Variants in PTPRR observed in about 807,000 individuals in gnomAD.
PTPRR encodes receptor-type tyrosine-protein phosphatase R.
A neutral mutation model predicts 77.2 loss-of-function variants in PTPRR; 38 were observed. That is an observed-to-expected ratio of 0.49 (90% confidence interval 0.38 to 0.65). PTPRR has a LOEUF of 0.65. PTPRR is among the 30% of genes least tolerant of loss of function. PTPRR has a pLI of 0.00. For synonymous variants in PTPRR, 299 were observed against 283.1 expected, an observed-to-expected ratio of 1.06 and a Z score of -0.57; for missense variants, 744 against 799.2, an observed-to-expected ratio of 0.93 and a Z score of 0.83.
intron 4 of PTPRR, among the ~76,000 whole-genome samples, chr12:70,758,616 A>G (rs1890615834): frequency 6.6e-6 from 1 of 151,714 alleles, no homozygotes; most frequent in African/African-American, 2.4e-5. Context: ...GACTGTGGGA[A>G]TGGGGTTTGG....
chr12:70,684,659 C>T (rs184761311), intron 9 of PTPRR, 45 bp downstream of exon 9: 5 of 1,305,488 alleles, frequency 3.8e-6, no homozygotes, highest in Non-Finnish European at 5.4e-6. Context: ...ACCAACAATT[C>T]CAAATAGGAA....
intron 2 of PTPRR, among the ~76,000 whole-genome samples, chr12:70,872,054 T>G (rs1892966368): frequency 6.6e-6 from 1 of 152,242 alleles, no homozygotes; most frequent in Non-Finnish European, 1.5e-5. Flanking sequence ...TAATCTTATT[T>G]CTTAGCTCTA....
chr12:70,777,012 C>T (rs7313969), intron 2 of PTPRR, among the ~76,000 whole-genome samples: 1,787 of 151,976 alleles, frequency 0.012, 37 homozygotes, highest in African/African-American at 0.042. Flanking sequence ...TGTATACTTC[C>T]AAATATTTTC....
intron 2 of PTPRR, among the ~76,000 whole-genome samples, chr12:70,866,549 C>G (rs991152429): frequency 9.9e-5 from 15 of 152,044 alleles, no homozygotes; most frequent in Admixed American, 7.2e-4. Flanking sequence ...AATAGCTTAC[C>G]AACCAAAAAA....
intron 12 of PTPRR, among the ~76,000 whole-genome samples, chr12:70,657,133 A>G (rs1337050996): frequency 6.6e-6 from 1 of 152,160 alleles, no homozygotes; most frequent in African/African-American, 2.4e-5. Context: ...GAGGGGGAAG[A>G]TTTAGGCACA....
At chr12:70,877,919 A>C (rs1893080060) in intron 2 of PTPRR, among the ~76,000 whole-genome samples, 1 of 152,196 alleles carries the variant, frequency 6.6e-6, no homozygotes, top group African/African-American at 2.4e-5. Context: ...TCAATGGAAC[A>C]GAACACAGCC....
At chr12:70,799,763 G>A (rs1891579210) in intron 2 of PTPRR, among the ~76,000 whole-genome samples, 2 of 152,108 alleles carry the variant, frequency 1.3e-5, no homozygotes, top group South Asian at 4.1e-4. Context: ...AATAAGCCCA[G>A]TCCAAGCCCC....
chr12:70,756,551 A>G (rs1451301882), intron 4 of PTPRR, among the ~76,000 whole-genome samples: 1 of 152,174 alleles, frequency 6.6e-6, no homozygotes, highest in Non-Finnish European at 1.5e-5. Context: ...TGAATAATTC[A>G]GAGGCTCTGT....
rs142032626 is a variant in PTPRR, at chr12:70,882,336, G to C, written c.357+10343C>G. The stretch of plus-strand genomic sequence containing the variant: ...CCATCACTAGCTATGATAGATAGGA[G>C]GAGTGATGGTCAGAATCTGTATCCT... On this transcript the variant is annotated intron_variant, in intron 2 of 13. Transcript: ENST00000283228. 7.5e-3 allele frequency among the ~76,000 whole-genome samples: 1,141 copies of C among 152,192 alleles called. 17 individuals are homozygous for C. Among genetic ancestry groups the C allele is most frequent in the African/African-American group, 0.027 (1,101 of 41,514 alleles).
At chr12:70,816,808 T>C (rs982046894) in intron 2 of PTPRR, among the ~76,000 whole-genome samples, 2 of 152,050 alleles carry the variant, frequency 1.3e-5, no homozygotes, top group East Asian at 3.8e-4. Context: ...AAATAGAAAC[T>C]ATGTTTTTCA....
intron 2 of PTPRR, among the ~76,000 whole-genome samples, chr12:70,878,387 C>A (rs1273571092): frequency 6.6e-6 from 1 of 152,126 alleles, no homozygotes; most frequent in Non-Finnish European, 1.5e-5. Context: ...CTACAATGAA[C>A]TCAAACAAAT....
intron 1 of PTPRR, among the ~76,000 whole-genome samples, chr12:70,911,315 A>C (rs1893695635): frequency 1.3e-5 from 2 of 152,184 alleles, no homozygotes; most frequent in African/African-American, 4.8e-5. Context: ...CCAGAGGAGT[A>C]GACAACAGAT....
intron 2 of PTPRR, among the ~76,000 whole-genome samples, chr12:70,837,398 G>C (rs916540004): frequency 1.3e-5 from 2 of 152,132 alleles, no homozygotes; most frequent in African/African-American, 4.8e-5. Flanking sequence ...ATTCAATTCA[G>C]TGGATCTGAG....
chr12:70,773,206 T>A (rs1023102439), intron 2 of PTPRR, among the ~76,000 whole-genome samples: 10 of 152,256 alleles, frequency 6.6e-5, no homozygotes, highest in African/African-American at 2.4e-4. Flanking sequence ...AGACCTCTTG[T>A]TAACTTTTGT....
At chr12:70,700,117 G>A (rs1239924252) in intron 7 of PTPRR, among the ~76,000 whole-genome samples, 1 of 152,186 alleles carries the variant, frequency 6.6e-6, no homozygotes, top group Non-Finnish European at 1.5e-5. Context: ...CACAGAGTCT[G>A]ATTTTCATGT....
At chr12:70,648,663 G>A (rs1474064459) in intron 13 of PTPRR, among the ~76,000 whole-genome samples, 1 of 152,214 alleles carries the variant, frequency 6.6e-6, no homozygotes, top group Non-Finnish European at 1.5e-5. Flanking sequence ...TTAGGGGGCA[G>A]AGCCACGCAC....
chr12:70,848,225 C>T (rs1892517136), intron 2 of PTPRR, among the ~76,000 whole-genome samples: 2 of 152,168 alleles, frequency 1.3e-5, no homozygotes. Context: ...CGTACTAGCA[C>T]TGAATAATCT....
At chr12:70,888,606 C>T (rs10879213) in intron 2 of PTPRR, among the ~76,000 whole-genome samples, 24,358 of 152,126 alleles carry the variant, frequency 0.16, 2,100 homozygotes, top group Admixed American at 0.22. Flanking sequence ...CCTCACATTA[C>T]AGTAGGCTTT....
At chr12:70,684,322 G>T (rs777779604) in intron 9 of PTPRR, 58 bp from the exon 10 acceptor site, 107 of 1,563,750 alleles carry the variant, frequency 6.8e-5, no homozygotes, top group Middle Eastern at 3.4e-4. Flanking sequence ...TGCAGTGAAA[G>T]TGTAGGTGAA....
Sources: gnomAD v4.1 joint callset for allele counts (sites outside exome capture counted in the v4.1 genomes callset) on GRCh38, gnomAD v4.1.1 for gene constraint, MANE v1.5 for transcripts, NCBI Gene and HGNC (gene_info 2026-07-23, HGNC 2026-07-21) for gene names.